The following UGT1A6 variants were observed in gnomAD, a reference collection of about 807,000 sequenced individuals.
The protein encoded by UGT1A6 is UDP glucuronosyltransferase family 1 member A6, also known as UDP-glucuronosyltransferase 1A6.
A neutral mutation model predicts 44.4 loss-of-function variants in UGT1A6; 32 were observed. The ratio of observed to expected loss-of-function variants is 0.72; its 90% CI spans 0.54 to 0.97. The LOEUF (loss-of-function observed/expected upper bound fraction) is 0.97, where lower values mean the gene tolerates loss of function less well. UGT1A6 is among the 50% of genes least tolerant of loss of function. UGT1A6 has a pLI of 0.00. For missense variants in UGT1A6, 685 were observed against 661.9 expected (o/e 1.03, Z -0.38); for synonymous variants, 238 against 248.5 (o/e 0.96, Z 0.40).
chr2:233,712,804 C>T (rs2076256018), intron 1 of UGT1A6, among the ~76,000 whole-genome samples: 1 of 152,204 alleles, frequency 6.6e-6, no homozygotes, highest in Non-Finnish European at 1.5e-5. Context: ...CGGTCTTTCC[C>T]AGGGTGGGGC....
intron 1 of UGT1A6, among the ~76,000 whole-genome samples, chr2:233,712,053 A>G (rs1487339594): frequency 2.6e-5 from 4 of 152,208 alleles, no homozygotes; most frequent in Non-Finnish European, 4.4e-5. Context: ...AAAAAGCCTG[A>G]CCATAATCTT....
chr2:233,760,870 A>G lies in UGT1A6; in HGVS notation c.862-6164A>G, dbSNP rs761998591. Reference sequence around the variant, plus strand: ...CCCCAACCCATTCTCCTACGTGCCCAGGCCTCTCTCCTCTCATTCAGATCA... The same window carrying G: ...CCCCAACCCATTCTCCTACGTGCCCGGGCCTCTCTCCTCTCATTCAGATCA... On this transcript the variant is annotated intron_variant, in intron 1 of 4. Transcript: ENST00000305139. 2.5e-6 allele frequency: 4 copies of G among 1,614,048 alleles called. No individual in the cohort carries two copies. Among genetic ancestry groups the G allele is most frequent in the Admixed American group, 3.3e-5 (2 of 60,002 alleles).
intron 1 of UGT1A6, among the ~76,000 whole-genome samples, chr2:233,726,089 C>T (rs567639330): frequency 3.9e-5 from 6 of 152,122 alleles, no homozygotes; most frequent in Non-Finnish European, 7.3e-5. Flanking sequence ...TTACTTGATC[C>T]GAGGAGGTGG....
chr2:233,768,152 A>G, intron 3 of UGT1A6, 68 bp from the exon 4 acceptor site: 1 of 1,612,626 alleles, frequency 6.2e-7, no homozygotes, highest in Non-Finnish European at 8.5e-7. Flanking sequence ...TGTTTTCAGA[A>G]CCTAGATGTG....
intron 1 of UGT1A6, chr2:233,743,514 G>T (rs753191882): frequency 7.3e-7 from 1 of 1,367,256 alleles, no homozygotes; most frequent in Non-Finnish European, 9.8e-7. Flanking sequence ...CAGACGCTCT[G>T]CTTCTGCTTC....
At chr2:233,711,521 C>T (rs2076185051) in intron 1 of UGT1A6, among the ~76,000 whole-genome samples, 1 of 152,188 alleles carries the variant, frequency 6.6e-6, no homozygotes, top group East Asian at 1.9e-4. Context: ...TCTGTGTCCT[C>T]ACAACTCCCC....
At chr2:233,751,729 C>G (rs1442411823) in intron 1 of UGT1A6, among the ~76,000 whole-genome samples, 1 of 152,154 alleles carries the variant, frequency 6.6e-6, no homozygotes, top group South Asian at 2.1e-4. Flanking sequence ...TGAACTCTTC[C>G]TCTCTGTTTC....
In UGT1A6 at chr2:233,771,027, G is replaced by C. The variant is rs186703216; in HGVS notation, c.1302-1235G>C. On this transcript the variant is annotated intron_variant, in intron 4 of 4. Transcript: ENST00000305139. ...CAAAAGCAGGAGCGAGAGAGAGTTG[G>C]GGGGGAAGGTGCCACACACTTTTTA... is the stretch of plus-strand genomic sequence containing the variant. The C allele has an allele frequency of 5.9e-5, 9 of 152,196 alleles. No homozygotes were observed. The East Asian group carries it at 1.4e-3, about 23-fold the overall frequency. The allele number at this position is 152,196 out of a possible 1,614,324, so 9.4% of individuals were successfully genotyped here. A position where few individuals can be genotyped will look rare whatever the true frequency, so the allele number is the denominator to read the frequency against.
In UGT1A6 at chr2:233,693,703, A is replaced by G. The variant is rs1559346623; in HGVS notation, c.699A>G (p.Ala233=). ...TGTTTTCAAAGTATGAAGAACTCGC[A>G]TCAGCTGTCCTCAAGAGAGATGTGG... The part of the protein sequence containing the change: ...YCLFSKYEEL[A]SAVLKRDVDI... Residue 233 remains alanine (A), a synonymous_variant, in exon 1 of 5, where the codon GCA becomes GCG. Coordinates refer to ENST00000305139, the MANE Select transcript of UGT1A6 (RefSeq NM_001072.4). 1 of 1,614,248 alleles carries G rather than the reference A, an allele frequency of 6.2e-7. No homozygotes were observed. Among genetic ancestry groups the G allele is most frequent in the Non-Finnish European group, 8.5e-7 (1 of 1,180,042 alleles).
intron 1 of UGT1A6, chr2:233,729,300 A>G (rs143500969): frequency 9.7e-5 from 156 of 1,614,266 alleles, no homozygotes; most frequent in East Asian, 1.6e-4. Flanking sequence ...GCCACCAGGC[A>G]GTGGTCCTCA....
chr2:233,761,598 A>G (rs1310966456), intron 1 of UGT1A6, among the ~76,000 whole-genome samples: 2 of 152,232 alleles, frequency 1.3e-5, no homozygotes, highest in African/African-American at 4.8e-5. Flanking sequence ...TTAAAGCTCC[A>G]GTTTCTAAAT....
chr2:233,693,915 C>T, intron 1 of UGT1A6, 50 bp downstream of exon 1: 1 of 1,611,846 alleles, frequency 6.2e-7, no homozygotes, highest in South Asian at 1.1e-5. Context: ...CAGGCTCTGT[C>T]CTCCCTCACT....
At chr2:233,697,949 A>G (rs2075419607) in intron 1 of UGT1A6, among the ~76,000 whole-genome samples, 1 of 152,244 alleles carries the variant, frequency 6.6e-6, no homozygotes, top group Non-Finnish European at 1.5e-5. Flanking sequence ...AGTAAATGAA[A>G]GCTATTTATT....
chr2:233,762,430 C>CCATAAA, intron 1 of UGT1A6, among the ~76,000 whole-genome samples: 1 of 152,296 alleles, frequency 6.6e-6, no homozygotes, highest in African/African-American at 2.4e-5. Context: ...AATAGAGTAA[C>CCATAAA]AGTGTATTCC....
At chr2:233,739,217 T>C (rs913655982) in intron 1 of UGT1A6, among the ~76,000 whole-genome samples, 1 of 152,096 alleles carries the variant, frequency 6.6e-6, no homozygotes, top group Non-Finnish European at 1.5e-5. Flanking sequence ...ATGGATAGAG[T>C]CCTTATAGAG....
intron 1 of UGT1A6, among the ~76,000 whole-genome samples, chr2:233,720,592 G>A (rs1417484127): frequency 6.6e-6 from 1 of 151,946 alleles, no homozygotes; most frequent in Non-Finnish European, 1.5e-5. Context: ...TTTCAGAGGT[G>A]ACTTTCATTA....
chr2:233,743,714 T>A (rs1337587224), intron 1 of UGT1A6: 1 of 1,367,242 alleles, frequency 7.3e-7, no homozygotes, highest in Non-Finnish European at 9.8e-7. Context: ...CGCCTCGCCA[T>A]AGCGGTCATA....
At chr2:233,742,690 G>A (rs1692069965) in intron 1 of UGT1A6, 1 of 152,442 alleles carries the variant, frequency 6.6e-6, no homozygotes, top group African/African-American at 2.4e-5. Flanking sequence ...CCTTCAGAGG[G>A]AACATGCTTC....
At chr2:233,739,594 G>T (rs1253560976) in intron 1 of UGT1A6, among the ~76,000 whole-genome samples, 1 of 152,200 alleles carries the variant, frequency 6.6e-6, no homozygotes, top group East Asian at 1.9e-4. Flanking sequence ...GGGGCCTATA[G>T]CCCCTTTGTT....
Sources: gnomAD v4.1 joint callset for allele counts (sites outside exome capture counted in the v4.1 genomes callset) on GRCh38, gnomAD v4.1.1 for gene constraint, MANE v1.5 for transcripts, NCBI Gene and HGNC (gene_info 2026-07-23, HGNC 2026-07-21) for gene names.